RALGAPA2: variants seen among roughly 807,000 people sequenced by gnomAD.
The protein encoded by RALGAPA2 is Ral GTPase activating protein catalytic subunit alpha 2, also known as ral GTPase-activating protein subunit alpha-2.
A neutral mutation model predicts 230.4 loss-of-function variants in RALGAPA2; 139 were observed. The ratio of observed to expected loss-of-function variants is 0.60; its 90% CI spans 0.53 to 0.69. RALGAPA2 has a LOEUF of 0.69. Among genes scored for constraint, RALGAPA2 ranks in the 30% least tolerant of loss-of-function variants. The probability of loss-of-function intolerance (pLI) is 0.00; values close to 1 mark genes in which losing one functional copy is unlikely to be tolerated. For synonymous variants in RALGAPA2, 847 were observed against 837.8 expected (o/e 1.01, Z -0.19); for missense variants, 2,163 against 2,276.0 (o/e 0.95, Z 1.01).
At chr20:20,529,450 C>T (rs1213531656) in intron 27 of RALGAPA2, among the ~76,000 whole-genome samples, 10 of 152,166 alleles carry the variant, frequency 6.6e-5, no homozygotes, top group Non-Finnish European at 1.3e-4. Flanking sequence ...TATCAATTTC[C>T]ATCTCTTTCC....
At chr20:20,660,177 G>C (rs2067725034) in intron 3 of RALGAPA2, among the ~76,000 whole-genome samples, 1 of 151,058 alleles carries the variant, frequency 6.6e-6, no homozygotes, top group Non-Finnish European at 1.5e-5. Flanking sequence ...GCGGTAAGCT[G>C]ATATTGCACC....
intron 4 of RALGAPA2, among the ~76,000 whole-genome samples, chr20:20,650,650 G>A (rs1286214604): frequency 1.3e-5 from 2 of 152,166 alleles, no homozygotes; most frequent in Non-Finnish European, 1.5e-5. Context: ...TGGTGAGAAG[G>A]CCCCTCCTTG....
chr20:20,654,193 T>C (rs767770064), intron 3 of RALGAPA2, among the ~76,000 whole-genome samples: 3 of 152,216 alleles, frequency 2.0e-5, no homozygotes, highest in Admixed American at 1.3e-4. Flanking sequence ...TCATGTAGTA[T>C]CTTTTTTTTC....
chr20:20,625,427 G>C (rs1217407365), intron 10 of RALGAPA2, among the ~76,000 whole-genome samples: 2 of 152,100 alleles, frequency 1.3e-5, no homozygotes, highest in African/African-American at 2.4e-5. Flanking sequence ...AATGAACATA[G>C]ATTTTTTAAT....
intron 1 of RALGAPA2, among the ~76,000 whole-genome samples, chr20:20,691,601 C>G (rs1357207177): frequency 6.6e-6 from 1 of 152,178 alleles, no homozygotes; most frequent in Non-Finnish European, 1.5e-5. Context: ...GACACCACTC[C>G]CCGACACAGT....
At chr20:20,559,075 T>C (rs910759903) in intron 23 of RALGAPA2, among the ~76,000 whole-genome samples, 2 of 152,222 alleles carry the variant, frequency 1.3e-5, no homozygotes. Context: ...AGATTAATTT[T>C]AGAATATGAT....
intron 37 of RALGAPA2, among the ~76,000 whole-genome samples, chr20:20,434,211 A>T (rs527685711): frequency 1.3e-5 from 2 of 152,342 alleles, no homozygotes; most frequent in African/African-American, 4.8e-5. Flanking sequence ...GTCTCTCCCA[A>T]ACAAAAGTTG....
intron 1 of RALGAPA2, among the ~76,000 whole-genome samples, chr20:20,708,919 T>C (rs2069723094): frequency 6.6e-6 from 1 of 151,286 alleles, no homozygotes; most frequent in African/African-American, 2.4e-5. Context: ...TGGTGGCTTA[T>C]GCCTGTAAGC....
At chr20:20,689,095 CTA>C (rs1409557844) in intron 1 of RALGAPA2, among the ~76,000 whole-genome samples, 2 of 152,182 alleles carry the variant, frequency 1.3e-5, no homozygotes, top group African/African-American at 2.4e-5. Flanking sequence ...ATAAAAGTCT[CTA>C]TGTTATGTAA....
chr20:20,521,181 T>A, intron 30 of RALGAPA2, 81 bp from the exon 31 acceptor site: 1 of 1,245,688 alleles, frequency 8.0e-7, no homozygotes, highest in South Asian at 1.7e-5. Flanking sequence ...CTGCAGCACT[T>A]GGCAGCTAGG....
chr20:20,508,601 A>G (rs775007710), intron 33 of RALGAPA2, among the ~76,000 whole-genome samples: 6 of 152,208 alleles, frequency 3.9e-5, no homozygotes, highest in Non-Finnish European at 8.8e-5. Context: ...AACTTTTCCA[A>G]AGAACATGTT....
intron 24 of RALGAPA2, among the ~76,000 whole-genome samples, chr20:20,538,788 T>C (rs1444582805): frequency 6.6e-6 from 1 of 151,824 alleles, no homozygotes; most frequent in South Asian, 2.1e-4. Flanking sequence ...GAGAGAGAAG[T>C]GATGACAGAG....
chr20:20,665,840 T>C (rs1028372359), intron 3 of RALGAPA2, among the ~76,000 whole-genome samples: 8 of 152,194 alleles, frequency 5.3e-5, no homozygotes, highest in African/African-American at 1.7e-4. Context: ...CAGTATCCAG[T>C]ACAGGCGATA....
chr20:20,696,606 C>A (rs1046850442), intron 1 of RALGAPA2, among the ~76,000 whole-genome samples: 2 of 152,066 alleles, frequency 1.3e-5, no homozygotes, highest in Admixed American at 6.6e-5. Flanking sequence ...CTCCCACCCC[C>A]GCTCCTTTCC....
rs557407878 is a variant in RALGAPA2 at position 20,535,722 on chromosome 20, T to C, written c.3473+23A>G. The C allele has an allele frequency of 1.4e-5, 21 of 1,540,082 alleles. 1 individual carries two copies. The East Asian group carries it at 5.2e-4, about 38-fold the overall frequency. On this transcript the variant is annotated intron_variant, in intron 26 of 39. Coordinates refer to ENST00000202677, the MANE Select transcript of RALGAPA2 (RefSeq NM_020343.4). ...TGTGTATCTTAAAATTCTAAAATAGTTTACCTCTTATTCAACATTTACCTT... is the reference window on the plus strand; with the variant it reads ...TGTGTATCTTAAAATTCTAAAATAGCTTACCTCTTATTCAACATTTACCTT...
At chr20:20,530,105 C>T (rs989005309) in intron 27 of RALGAPA2, among the ~76,000 whole-genome samples, 1 of 152,020 alleles carries the variant, frequency 6.6e-6, no homozygotes, top group South Asian at 2.1e-4. Flanking sequence ...AGGAGGTATC[C>T]CACACACCTC....
At chr20:20,617,092 C>T (rs775691266) in intron 12 of RALGAPA2, among the ~76,000 whole-genome samples, 12 of 152,228 alleles carry the variant, frequency 7.9e-5, no homozygotes, top group East Asian at 3.8e-4. Context: ...CAATTTGGTA[C>T]GAGGACAGAC....
intron 3 of RALGAPA2, among the ~76,000 whole-genome samples, chr20:20,666,530 G>C (rs2067960411): frequency 6.6e-6 from 1 of 152,158 alleles, no homozygotes; most frequent in Admixed American, 6.5e-5. Flanking sequence ...ATCAGCCTGA[G>C]AGGTTTGTAG....
intron 5 of RALGAPA2, among the ~76,000 whole-genome samples, chr20:20,641,225 T>C (rs1027471868): frequency 1.8e-4 from 27 of 152,312 alleles, no homozygotes; most frequent in African/African-American, 5.8e-4. Context: ...TGAGTTAACA[T>C]ATGTAAACCA....
Sources: gnomAD v4.1 joint callset for allele counts (sites outside exome capture counted in the v4.1 genomes callset) on GRCh38, gnomAD v4.1.1 for gene constraint, MANE v1.5 for transcripts, NCBI Gene and HGNC (gene_info 2026-07-23, HGNC 2026-07-21) for gene names.